BCKDHB: variants seen among roughly 807,000 people sequenced by gnomAD.
BCKDHB encodes 2-oxoisovalerate dehydrogenase subunit beta, mitochondrial.
Under a neutral mutation model 48.5 loss-of-function variants are expected in BCKDHB, and 41 were observed. That is an observed-to-expected ratio of 0.85 (90% CI 0.66 to 1.10). The LOEUF is 1.10. Among genes scored for constraint, BCKDHB ranks in the 50% least tolerant of loss-of-function variants. The probability of loss-of-function intolerance (pLI) is 0.00; values close to 1 mark genes in which losing one functional copy is unlikely to be tolerated. For synonymous variants in BCKDHB, 201 were observed against 174.8 expected, an observed-to-expected ratio of 1.15 and a Z score of -1.18; for missense variants, 496 against 494.2, an observed-to-expected ratio of 1.00 and a Z score of -0.03.
chr6:80,124,151 C>T (rs1188260359), intron 1 of BCKDHB, among the ~76,000 whole-genome samples: 1 of 152,164 alleles, frequency 6.6e-6, no homozygotes, highest in Non-Finnish European at 1.5e-5. Flanking sequence ...TCCTTATTTA[C>T]CCAGTAGTCA....
rs956239396 is a variant in BCKDHB, at chr6:80,108,491, A to G, written c.196+1602A>G. Among the ~76,000 whole-genome samples the G allele has an allele frequency of 4.6e-5, 7 of 151,610 alleles. No homozygotes were observed. In the South Asian group the frequency reaches 1.5e-3, roughly 32 times the overall value. ...TATCATGATATATATCATGATATAT[A>G]TAAACTTGTTCTTATTTTAAAAATA... is the stretch of plus-strand genomic sequence containing the variant. On this transcript the variant is annotated intron_variant, in intron 1 of 9. Coordinates refer to ENST00000320393, the MANE Select transcript of BCKDHB (RefSeq NM_183050.4).
At chr6:80,303,292 C>A (rs1310425029) in intron 9 of BCKDHB, among the ~76,000 whole-genome samples, 1 of 152,102 alleles carries the variant, frequency 6.6e-6, no homozygotes, top group East Asian at 1.9e-4. Context: ...TCTAATAAAT[C>A]CTGCAGGCTA....
upstream of BCKDHB, chr6:80,106,654 G>A (rs1416932436): frequency 2.6e-6 from 4 of 1,542,064 alleles, no homozygotes; most frequent in Non-Finnish European, 3.5e-6. Context: ...CGCAGGCGGC[G>A]TGCGGCTGCA....
chr6:80,462,940 C>T, the BCKDHB span: 1 of 151,836 alleles, frequency 6.6e-6, no homozygotes, highest in Non-Finnish European at 1.5e-5. Context: ...CCTCAGGTCT[C>T]CAGTCTTCTG....
chr6:80,383,514 C>T, the BCKDHB span, among the ~76,000 whole-genome samples: 2 of 152,006 alleles, frequency 1.3e-5, no homozygotes, highest in Admixed American at 6.6e-5. Context: ...CTGTGCATAA[C>T]CAAATCAGTT....
chr6:80,325,072 CAT>C (rs1768964658), intron 9 of BCKDHB, among the ~76,000 whole-genome samples: 1 of 152,068 alleles, frequency 6.6e-6, no homozygotes, highest in Non-Finnish European at 1.5e-5. Context: ...TTTTGAATAA[CAT>C]ATAGAAAGTA....
At chr6:80,240,212 C>T (rs1776322797) in intron 8 of BCKDHB, among the ~76,000 whole-genome samples, 1 of 152,082 alleles carries the variant, frequency 6.6e-6, no homozygotes, top group Non-Finnish European at 1.5e-5. Flanking sequence ...ATGGGGATGG[C>T]ATTGAATCTA....
chr6:80,113,266 C>T (rs577406971), intron 1 of BCKDHB, among the ~76,000 whole-genome samples: 1 of 152,342 alleles, frequency 6.6e-6, no homozygotes, highest in African/African-American at 2.4e-5. Context: ...CTTCCCCCTC[C>T]TGGTATGGGC....
Position 80,249,261 on chromosome 6 carries a change from GTTC to G in BCKDHB, c.952-23869_952-23867del, listed in dbSNP as rs959065009. On this transcript the variant is annotated intron_variant, in intron 8 of 9. Transcript: ENST00000320393. Reference sequence around the variant, plus strand: ...GGGCTAGATAATGCCACCTGAATAAGTTCTTCTCTGAATTTATTTACAGCATTT... The same window carrying G: ...GGGCTAGATAATGCCACCTGAATAAGTTCTCTGAATTTATTTACAGCATTT... Among the ~76,000 whole-genome samples, 59 of 151,934 alleles carry G rather than the reference GTTC, an allele frequency of 3.9e-4. 1 individual carries two copies. Among genetic ancestry groups the G allele is most frequent in the Middle Eastern group, 3.4e-3 (1 of 294 alleles).
intron 3 of BCKDHB, among the ~76,000 whole-genome samples, chr6:80,144,226 G>A (rs907942645): frequency 6.6e-6 from 1 of 152,128 alleles, no homozygotes; most frequent in African/African-American, 2.4e-5. Flanking sequence ...AGCATTGATA[G>A]GATGGACCTG....
At chr6:80,310,121 TACATGTGCA>T (rs1167465582) in intron 9 of BCKDHB, among the ~76,000 whole-genome samples, 7 of 151,946 alleles carry the variant, frequency 4.6e-5, no homozygotes, top group African/African-American at 1.2e-4. Flanking sequence ...AAGTTCAGGG[TACATGTGCA>T]GAATGTGCAG....
chr6:80,273,166 G>A lies in BCKDHB; in HGVS notation c.983G>A (p.Ser328Asn), dbSNP rs1304643105. ...ATCAAAACAGGGCGACTGCTAATCA[G>A]TCACGAGGCTCCCTTGACAGGCGGC... ...SVIKTGRLLI[S>N]HEAPLTGGFA... Residue 328 changes from serine to asparagine, a missense_variant, in exon 9 of 10, where the codon AGT (serine) becomes AAT (asparagine). Coordinates refer to ENST00000320393, the MANE Select transcript of BCKDHB (RefSeq NM_183050.4). The A allele has an allele frequency of 6.2e-7, 1 of 1,613,580 alleles. No homozygotes were observed. Among genetic ancestry groups the A allele is most frequent in the Admixed American group, 1.7e-5 (1 of 59,952 alleles).
At chr6:80,211,715 G>A (rs1004604372) in intron 8 of BCKDHB, among the ~76,000 whole-genome samples, 2 of 152,060 alleles carry the variant, frequency 1.3e-5, no homozygotes, top group African/African-American at 4.8e-5. Flanking sequence ...TCTATCAGGG[G>A]AACCTGCCCC....
chr6:80,115,641 CTTTT>C (rs760255958), intron 1 of BCKDHB, among the ~76,000 whole-genome samples: 1 of 142,934 alleles, frequency 7.0e-6, no homozygotes, highest in African/African-American at 2.6e-5. Flanking sequence ...GCTGGGGTTT[CTTTT>C]TTTTTTTTTG....
At chr6:80,107,517 A>G (rs1769165003) in intron 1 of BCKDHB, among the ~76,000 whole-genome samples, 1 of 45,114 alleles carries the variant, frequency 2.2e-5, no homozygotes, top group East Asian at 7.9e-4. Context: ...ATGTGCGCAT[A>G]TATATATATA....
Position 80,171,368 on chromosome 6 carries a change from T to A in BCKDHB, c.720T>A (p.Pro240=). 6.2e-7 allele frequency: 1 copy of A among 1,600,366 alleles called. No homozygotes were observed. ...EDKNPCIFFE[P]KILYRAAAEE... is the part of the protein sequence containing the mutation. ...AAAATCCTTGTATATTTTTTGAACC[T>A]AAAATACTTTACAGGGCAGCAGGTA... The change falls in exon 6 of 10, where the codon CCT becomes CCA. Residue 240 remains proline (P), a synonymous_variant. Coordinates refer to ENST00000320393, the MANE Select transcript of BCKDHB (RefSeq NM_183050.4).
Position 80,127,267 on chromosome 6 carries a change from T to G in BCKDHB, c.197-280T>G, listed in dbSNP as rs796200637. 2.1e-5 allele frequency: 8 copies of G among 388,682 alleles called. No individual in the cohort carries two copies. The Admixed American group carries it at 2.3e-4, about 11-fold the overall frequency. The allele number at this position is 388,682 out of a possible 1,614,324, so 24.1% of individuals were successfully genotyped here. ...CTCCCTTTCTGACTTTCCATAGGTCTTATTGTCTACACGCATTTAGTCACT... is the reference window on the plus strand; with the variant it reads ...CTCCCTTTCTGACTTTCCATAGGTCGTATTGTCTACACGCATTTAGTCACT... On this transcript the variant is annotated intron_variant, in intron 1 of 9. Coordinates refer to ENST00000320393, the MANE Select transcript of BCKDHB (RefSeq NM_183050.4).
At position 80,343,968 on chromosome 6, in the gene BCKDHB, A is replaced by C; in HGVS notation, c.*164A>C. 2.3e-6 allele frequency: 2 copies of C among 870,190 alleles called. No individual in the cohort carries two copies. The highest frequency in any genetic ancestry group is 5.3e-5 in the East Asian group (2 of 37,750). The allele number at this position is 870,190 out of a possible 1,614,324, so 53.9% of individuals were successfully genotyped here. ...AAGAAAATAATGTGCTTTAGAAAAA[A>C]AATTCAAATTTATAGTAGTATATTT... On this transcript the variant is annotated 3_prime_UTR_variant, in exon 10 of 10. Transcript: ENST00000320393.
chr6:80,272,450 G>T (rs1293014991), intron 8 of BCKDHB, among the ~76,000 whole-genome samples: 2 of 152,120 alleles, frequency 1.3e-5, no homozygotes, highest in Non-Finnish European at 2.9e-5. Flanking sequence ...CAACACAGCT[G>T]GCATCCTGCT....
Sources: gnomAD v4.1 joint callset for allele counts (sites outside exome capture counted in the v4.1 genomes callset) on GRCh38, gnomAD v4.1.1 for gene constraint, MANE v1.5 for transcripts, NCBI Gene and HGNC (gene_info 2026-07-23, HGNC 2026-07-21) for gene names.